The following CELF1 variants were observed in gnomAD, a reference collection of about 807,000 sequenced individuals.
The protein encoded by CELF1 is CUGBP Elav-like family member 1, also known as 50 kDa nuclear polyadenylated RNA-binding protein.
Under a neutral mutation model 61.8 loss-of-function variants are expected in CELF1, and 10 were observed. The ratio of observed to expected loss-of-function variants is 0.16; its 90% CI spans 0.10 to 0.27. The LOEUF is 0.27. Ranked by LOEUF, CELF1 falls within the 10% of genes least tolerant of loss-of-function variation. The probability of loss-of-function intolerance (pLI) is 1.00; values close to 1 mark genes in which losing one functional copy is unlikely to be tolerated. For missense variants in CELF1, 380 were observed against 639.1 expected, an observed-to-expected ratio of 0.59 and a Z score of 4.37; for synonymous variants, 236 against 225.1, an observed-to-expected ratio of 1.05 and a Z score of -0.43.
At chr11:47,473,331 T>C (rs1028545346) in intron 13 of CELF1, 100 bp from the exon 14 acceptor site, 2 of 1,144,858 alleles carry the variant, frequency 1.7e-6, no homozygotes, top group East Asian at 2.4e-5. Context: ...ACTGTCACAA[T>C]CCCTAAAAAC....
chr11:47,496,379 T>C (rs1664179779), intron 3 of CELF1, among the ~76,000 whole-genome samples: 1 of 152,218 alleles, frequency 6.6e-6, no homozygotes, highest in Non-Finnish European at 1.5e-5. Flanking sequence ...ATCTTTAATA[T>C]CATTCATTCA....
At chr11:47,486,702 C>G in intron 6 of CELF1, 48 bp downstream of exon 6, 5 of 1,505,930 alleles carry the variant, frequency 3.3e-6, no homozygotes, top group Non-Finnish European at 4.6e-6. Flanking sequence ...GCCACCGTGC[C>G]TGGCCTAGGC....
rs2096583791 is a variant in CELF1 at position 47,534,641 on chromosome 11, T to C, written c.-154+18351A>G. Among the ~76,000 whole-genome samples, 12 of 152,058 alleles carry C rather than the reference T, an allele frequency of 7.9e-5. 1 individual carries two copies. In the South Asian group the frequency reaches 2.1e-3, roughly 26 times the overall value. ...TACTCGGGAGGCTGAGGCAGGAGAA[T>C]GGTGTGAACCCAGGAGGTGGAGCTT... On this transcript the variant is annotated intron_variant, in intron 1 of 14. Coordinates refer to ENST00000687097, the MANE Select transcript of CELF1 (RefSeq NM_001376376.1).
intron 1 of CELF1, among the ~76,000 whole-genome samples, chr11:47,545,833 T>A (rs920984311): frequency 6.6e-6 from 1 of 150,514 alleles, no homozygotes; most frequent in South Asian, 2.1e-4. Context: ...GCCCAGCCCC[T>A]CTCTCTCATA....
intron 3 of CELF1, among the ~76,000 whole-genome samples, chr11:47,499,060 TTAAAA>T (rs1200123624): frequency 6.6e-6 from 1 of 152,084 alleles, no homozygotes; most frequent in Non-Finnish European, 1.5e-5. Flanking sequence ...ATCCAGTAAT[TTAAAA>T]TAATAAAATA....
intron 1 of CELF1, among the ~76,000 whole-genome samples, chr11:47,546,004 G>A (rs1285608114): frequency 2.0e-5 from 3 of 149,416 alleles, no homozygotes; most frequent in Non-Finnish European, 4.4e-5. Context: ...TCCGCCTCCC[G>A]GGTTCACGCC....
intron 4 of CELF1, among the ~76,000 whole-genome samples, chr11:47,487,943 GA>G (rs2088608852): frequency 6.6e-6 from 1 of 152,066 alleles, no homozygotes; most frequent in Admixed American, 6.6e-5. Context: ...ATACAATATA[GA>G]TTTTTTTTTA....
chr11:47,557,158 G>C (rs1425347762), upstream of CELF1, among the ~76,000 whole-genome samples: 1 of 151,608 alleles, frequency 6.6e-6, no homozygotes, highest in African/African-American at 2.4e-5. Flanking sequence ...CCTCAGCCTC[G>C]CAAAGTGCCG....
At chr11:47,494,437 A>G (rs974695190) in intron 3 of CELF1, 10 of 982,702 alleles carry the variant, frequency 1.0e-5, no homozygotes, top group African/African-American at 1.7e-5. Context: ...ATTTCTGCTG[A>G]AACATACTAT....
chr11:47,476,590 T>G (rs545660450), intron 12 of CELF1, among the ~76,000 whole-genome samples: 183 of 152,304 alleles, frequency 1.2e-3, no homozygotes, highest in African/African-American at 4.1e-3. Flanking sequence ...CAGGCCCAGC[T>G]AATTTTTTTG....
intron 1 of CELF1, chr11:47,523,198 G>A (rs908369659): frequency 2.0e-5 from 3 of 152,176 alleles, no homozygotes; most frequent in Non-Finnish European, 2.9e-5. Flanking sequence ...AAAAGGCCAA[G>A]AACAAAAAGA....
intron 3 of CELF1, among the ~76,000 whole-genome samples, chr11:47,498,329 C>T (rs1018712020): frequency 5.3e-5 from 8 of 152,138 alleles, no homozygotes; most frequent in Non-Finnish European, 1.0e-4. Context: ...TGCTTGAGCC[C>T]AGGAGGTTGA....
At chr11:47,494,523 T>C in intron 3 of CELF1, 1 of 978,406 alleles carries the variant, frequency 1.0e-6, no homozygotes, top group Non-Finnish European at 1.2e-6. Flanking sequence ...TCAAAGTATG[T>C]ATTTGTTCAA....
chr11:47,556,279 G>C (rs1177121525), upstream of CELF1, among the ~76,000 whole-genome samples: 1 of 152,072 alleles, frequency 6.6e-6, no homozygotes, highest in Non-Finnish European at 1.5e-5. Context: ...TGAACTCCTG[G>C]GTTCATGAGA....
intron 1 of CELF1, among the ~76,000 whole-genome samples, chr11:47,550,455 C>T (rs775742771): frequency 1.3e-5 from 2 of 151,912 alleles, no homozygotes; most frequent in African/African-American, 2.4e-5. Context: ...TGCTTGAGCC[C>T]GGGGGACAGG....
intron 9 of CELF1, among the ~76,000 whole-genome samples, chr11:47,480,960 G>A (rs959984183): frequency 2.0e-5 from 3 of 151,806 alleles, no homozygotes; most frequent in African/African-American, 7.3e-5. Context: ...CAGAGATTGC[G>A]CCACTGTTTT....
rs543233618 is a variant in CELF1, at chr11:47,527,104, C to T, written c.-154+25888G>A. ...AGCACTGCCTAGCTCCTATCCATTA[C>T]TGAGTACACAGCAGGATTCCAGCAG... On this transcript the variant is annotated intron_variant, in intron 1 of 14. Transcript: ENST00000687097. 4.0e-5 allele frequency among the ~76,000 whole-genome samples: 6 copies of T among 150,354 alleles called. No homozygotes were observed. In the South Asian group the frequency reaches 1.3e-3, roughly 32 times the overall value.
intron 3 of CELF1, among the ~76,000 whole-genome samples, chr11:47,497,494 C>T (rs184827224): frequency 2.0e-5 from 3 of 152,362 alleles, no homozygotes; most frequent in East Asian, 1.9e-4. Context: ...ACACTGATTA[C>T]TATTTGTCCT....
In CELF1 at chr11:47,543,335, T is replaced by C. The variant is rs1045665184; in HGVS notation, c.-154+9657A>G. ...GAAGAATCACTTGAGGCCTGGGAGG[T>C]TGAGGCTACAGTGAGCCACGATAAC... On this transcript the variant is annotated intron_variant, in intron 1 of 14. Coordinates refer to ENST00000687097, the MANE Select transcript of CELF1 (RefSeq NM_001376376.1). Among the ~76,000 whole-genome samples the C allele has an allele frequency of 2.6e-5, 4 of 151,822 alleles. No homozygotes were observed. The South Asian group carries it at 8.3e-4, about 32-fold the overall frequency.
Sources: allele counts gnomAD v4.1 joint callset (sites outside exome capture counted in the v4.1 genomes callset), GRCh38; gene constraint gnomAD v4.1.1; transcripts MANE v1.5; gene names NCBI Gene and HGNC (gene_info 2026-07-23, HGNC 2026-07-21).